The following DCUN1D1 variants were observed in gnomAD, a reference collection of about 807,000 sequenced individuals.
DCUN1D1 encodes the protein defective in cullin neddylation 1 domain containing 1, also known as DCN1-like protein 1.
A neutral mutation model predicts 39.0 loss-of-function variants in DCUN1D1; 3 were observed. That is an observed-to-expected ratio of 0.08 (90% CI 0.04 to 0.20). DCUN1D1 has a LOEUF of 0.20. DCUN1D1 is among the 10% of genes least tolerant of loss of function. The pLI is 1.00. For synonymous variants in DCUN1D1, 82 were observed against 96.3 expected (o/e 0.85, Z 0.87); for missense variants, 158 against 302.4 (o/e 0.52, Z 3.54).
chr3:182,962,407 AGAAG>A (rs1350623644), intron 3 of DCUN1D1, among the ~76,000 whole-genome samples: 1 of 152,234 alleles, frequency 6.6e-6, no homozygotes, highest in Non-Finnish European at 1.5e-5. Flanking sequence ...TGGAAGAGGA[AGAAG>A]GAACTTTTCT....
upstream of DCUN1D1, chr3:182,980,687 G>T: frequency 1.7e-6 from 1 of 599,068 alleles, no homozygotes; most frequent in Non-Finnish European, 2.1e-6. Context: ...CCCCGCGCGG[G>T]GCTTCCCCCG....
chr3:182,980,621 CGAG>C, upstream of DCUN1D1: 7 of 1,041,060 alleles, frequency 6.7e-6, no homozygotes, highest in Non-Finnish European at 8.1e-6. Flanking sequence ...CGGCGCGGCC[CGAG>C]GAGGCAGCCC....
intron 1 of DCUN1D1, among the ~76,000 whole-genome samples, chr3:182,969,966 G>A (rs35079357): frequency 6.6e-6 from 1 of 152,098 alleles, no homozygotes; most frequent in Admixed American, 6.6e-5. Context: ...CAAGAATTAA[G>A]AGAATCAGCC....
chr3:182,965,281 T>C (rs1302498434), intron 2 of DCUN1D1, among the ~76,000 whole-genome samples: 1 of 152,142 alleles, frequency 6.6e-6, no homozygotes, highest in Non-Finnish European at 1.5e-5. Flanking sequence ...TTTATACATA[T>C]GAGGGCAGAA....
At chr3:182,957,609 G>C (rs189857367) in intron 4 of DCUN1D1, among the ~76,000 whole-genome samples, 4 of 152,090 alleles carry the variant, frequency 2.6e-5, no homozygotes, top group African/African-American at 9.6e-5. Context: ...CTAGGCAAGA[G>C]AGCCAGATCC....
chr3:182,961,935 C>G (rs1577181583), intron 3 of DCUN1D1, among the ~76,000 whole-genome samples: 2 of 152,202 alleles, frequency 1.3e-5, no homozygotes, highest in Admixed American at 6.5e-5. Flanking sequence ...TTGAAAAGCT[C>G]TAAGTACCAA....
At chr3:182,964,157 G>T in intron 2 of DCUN1D1, 108 bp from the exon 3 acceptor site, 1 of 817,836 alleles carries the variant, frequency 1.2e-6, no homozygotes. Flanking sequence ...CACAATATAT[G>T]GAAGGCATGA....
chr3:182,975,875 A>AC (rs1449975035), intron 1 of DCUN1D1, among the ~76,000 whole-genome samples: 1 of 149,416 alleles, frequency 6.7e-6, no homozygotes, highest in East Asian at 2.0e-4. Flanking sequence ...AAAAAAAAAA[A>AC]GTAGTAATAA....
chr3:182,964,798 G>T (rs893408402), intron 2 of DCUN1D1, among the ~76,000 whole-genome samples: 1 of 151,786 alleles, frequency 6.6e-6, no homozygotes, highest in Non-Finnish European at 1.5e-5. Flanking sequence ...ACGCCACCAC[G>T]CCCAGCTAAT....
chr3:182,966,650 T>C (rs139183895), intron 1 of DCUN1D1, among the ~76,000 whole-genome samples: 99 of 152,294 alleles, frequency 6.5e-4, no homozygotes, highest in African/African-American at 1.9e-3. Flanking sequence ...ATGTTCTCCC[T>C]TCCCTCTCAC....
chr3:182,938,145 CT>C lies in DCUN1D1; in HGVS notation c.*6948del, dbSNP rs762383854. On this transcript the variant is annotated 3_prime_UTR_variant, in exon 7 of 7. Transcript: ENST00000292782. ...AATAGCTTCTTATATACTACATTAA[CT>C]TGAAAAATATATTCGTTAGAATTTT... The C allele has an allele frequency of 2.0e-5, 3 of 152,050 alleles. No homozygotes were observed. The highest frequency in any genetic ancestry group is 4.4e-5 in the Non-Finnish European group (3 of 68,008). 9.4% of individuals were successfully genotyped at this position (152,050 alleles called of 1,614,324 possible).
intron 4 of DCUN1D1, among the ~76,000 whole-genome samples, chr3:182,954,230 G>A (rs553888316): frequency 4.1e-4 from 62 of 152,244 alleles, no homozygotes; most frequent in Middle Eastern, 3.4e-3. Context: ...TAAAGAAAAC[G>A]TGGTAAAATG....
intron 4 of DCUN1D1, among the ~76,000 whole-genome samples, chr3:182,949,514 G>A (rs1726595671): frequency 6.6e-6 from 1 of 152,104 alleles, no homozygotes; most frequent in South Asian, 2.1e-4. Flanking sequence ...GAGATCAGGA[G>A]TTCAAGACCA....
At chr3:182,971,367 C>T (rs111877607) in intron 1 of DCUN1D1, among the ~76,000 whole-genome samples, 2,694 of 152,056 alleles carry the variant, frequency 0.018, 94 homozygotes, top group African/African-American at 0.063. Context: ...GAGTTCAAGA[C>T]CAGCCTGGGC....
At position 182,965,582 on chromosome 3, in the gene DCUN1D1, A is replaced by T. The variant is rs776579262; in HGVS notation, c.175T>A (p.Ser59Thr). ...ELYIRESVKG[S>T]LDRKKLEQLY... ...TGTTCTAACTTCTTCCTGTCCAATG[A>T]TCCTTTTACACTCTCTCGTATATAA... Residue 59 changes from serine to threonine, a missense_variant, in exon 2 of 7, where the codon TCA (serine) becomes ACA (threonine). Ser to Thr is a moderately conservative substitution (Grantham distance 58). Around this residue, in one of 4 missense-constraint regions of DCUN1D1, gnomAD observed 107 missense variants for 174.7 expected, o/e 0.61. Transcript: ENST00000292782. 6.2e-7 allele frequency: 1 copy of T among 1,613,688 alleles called. No homozygotes were observed. The highest frequency in any genetic ancestry group is 8.5e-7 in the Non-Finnish European group (1 of 1,179,804).
At chr3:182,959,129 C>G (rs998820873) in intron 4 of DCUN1D1, among the ~76,000 whole-genome samples, 1 of 152,042 alleles carries the variant, frequency 6.6e-6, no homozygotes, top group Non-Finnish European at 1.5e-5. Context: ...AACTGGTGGC[C>G]CCAGACAGAA....
intron 3 of DCUN1D1, 93 bp from the exon 4 acceptor site, chr3:182,961,449 G>C: frequency 8.6e-7 from 1 of 1,156,214 alleles, no homozygotes; most frequent in Non-Finnish European, 1.2e-6. Context: ...TTATTTCCTA[G>C]AACTACTTTT....
At chr3:182,984,637 G>T (rs1728667867), upstream of DCUN1D1, among the ~76,000 whole-genome samples, 1 of 151,682 alleles carries the variant, frequency 6.6e-6, no homozygotes, top group Admixed American at 6.6e-5. Context: ...CCCTCTCACT[G>T]TATACCTAAA....
Position 182,968,963 on chromosome 3 carries a change from T to C in DCUN1D1, c.4-3210A>G, listed in dbSNP as rs573853709. ...ACTATATAGGGCAATATCAACATAT[T>C]TGAAGAAACAGGGTGTACCTACCCA... On this transcript the variant is annotated intron_variant, in intron 1 of 6. Coordinates refer to ENST00000292782, the MANE Select transcript of DCUN1D1 (RefSeq NM_020640.4). Among the ~76,000 whole-genome samples the C allele has an allele frequency of 5.9e-5, 9 of 152,308 alleles. No homozygotes were observed. In the South Asian group the frequency reaches 8.3e-4, roughly 14 times the overall value.
Sources: allele counts gnomAD v4.1 joint callset (sites outside exome capture counted in the v4.1 genomes callset), GRCh38; gene constraint gnomAD v4.1.1; regional missense constraint gnomAD v4.1.1; transcripts MANE v1.5; gene names NCBI Gene and HGNC (gene_info 2026-07-23, HGNC 2026-07-21).